The following RARB variants were observed in gnomAD, a reference collection of about 807,000 sequenced individuals.
RARB encodes retinoic acid receptor beta.
In RARB, 17 loss-of-function variants were observed where a neutral mutation model predicts 51.9. The observed-to-expected ratio is 0.33, with a 90% CI of 0.22 to 0.49. The LOEUF (loss-of-function observed/expected upper bound fraction) is 0.49. RARB is among the 20% of genes least tolerant of loss of function. RARB has a pLI of 0.99. For synonymous variants in RARB, 215 were observed against 195.4 expected, an observed-to-expected ratio of 1.10 and a Z score of -0.84; for missense variants, 369 against 550.8, an observed-to-expected ratio of 0.67 and a Z score of 3.30.
intron 5 of RARB, among the ~76,000 whole-genome samples, chr3:25,291,278 G>A (rs1703779241): frequency 6.6e-6 from 1 of 152,122 alleles, no homozygotes; most frequent in Non-Finnish European, 1.5e-5. Flanking sequence ...TTCAAGCATG[G>A]AACGCTGTGC....
At chr3:25,040,948 G>A (rs890702013) in intron 2 of RARB, among the ~76,000 whole-genome samples, 3 of 152,110 alleles carry the variant, frequency 2.0e-5, no homozygotes, top group Non-Finnish European at 2.9e-5. Context: ...ACTCTTTGAG[G>A]GCAAAAGTTT....
chr3:24,878,678 GTATGCCCATA>G (rs1703098112), intron 2 of RARB, among the ~76,000 whole-genome samples: 1 of 152,154 alleles, frequency 6.6e-6, no homozygotes, highest in African/African-American at 2.4e-5. Flanking sequence ...ATAACCAAAA[GTATGCCCATA>G]TATGCCAAAT....
intron 2 of RARB, among the ~76,000 whole-genome samples, chr3:24,871,647 G>A (rs1426120093): frequency 6.6e-6 from 1 of 152,026 alleles, no homozygotes. Flanking sequence ...CACCAGATTG[G>A]ATATCCAGCT....
intron 2 of RARB, among the ~76,000 whole-genome samples, chr3:24,966,110 TTG>T (rs554263110): frequency 0.18 from 6,360 of 35,052 alleles, 223 homozygotes; most frequent in African/African-American, 0.32. Flanking sequence ...TTTTTTTTTT[TTG>T]GTTATTTTAG....
intron 5 of RARB, among the ~76,000 whole-genome samples, chr3:25,253,822 T>C (rs1559333155): frequency 6.6e-6 from 1 of 152,152 alleles, no homozygotes; most frequent in Non-Finnish European, 1.5e-5. Flanking sequence ...CATCGAGCCC[T>C]AGTGGTCCCT....
chr3:25,534,075 A>G (rs1243510840), intron 3 of RARB, among the ~76,000 whole-genome samples: 2 of 152,250 alleles, frequency 1.3e-5, no homozygotes, highest in Admixed American at 6.5e-5. Context: ...ATTTGGCTCA[A>G]TGCAGCTCCA....
At chr3:25,305,607 C>T (rs958556470) in intron 5 of RARB, among the ~76,000 whole-genome samples, 10 of 152,110 alleles carry the variant, frequency 6.6e-5, no homozygotes, top group African/African-American at 2.4e-4. Flanking sequence ...GTAGAATCAC[C>T]CCTGCCCCAC....
chr3:25,194,322 G>A (rs1021414335), intron 5 of RARB, among the ~76,000 whole-genome samples: 16 of 151,802 alleles, frequency 1.1e-4, no homozygotes, highest in Non-Finnish European at 1.8e-4. Context: ...TACTGCAGGA[G>A]TATAGTTAAT....
At chr3:24,982,141 G>A (rs367874433) in intron 2 of RARB, among the ~76,000 whole-genome samples, 1 of 152,166 alleles carries the variant, frequency 6.6e-6, no homozygotes, top group Non-Finnish European at 1.5e-5. Context: ...ATCTGCAGCT[G>A]GTGGGACTTG....
At chr3:25,550,726 C>T (rs1446170609) in intron 3 of RARB, among the ~76,000 whole-genome samples, 2 of 152,104 alleles carry the variant, frequency 1.3e-5, no homozygotes, top group South Asian at 2.1e-4. Context: ...GCTATTTATC[C>T]CGATGTTCTC....
chr3:25,455,196 A>C (rs1694846476), intron 1 of RARB, among the ~76,000 whole-genome samples: 1 of 152,178 alleles, frequency 6.6e-6, no homozygotes, highest in Non-Finnish European at 1.5e-5. Flanking sequence ...TGACAGGGTA[A>C]TTTTATGTCC....
intron 3 of RARB, among the ~76,000 whole-genome samples, chr3:25,109,271 C>G (rs1343834659): frequency 6.6e-6 from 1 of 151,518 alleles, no homozygotes; most frequent in African/African-American, 2.4e-5. Context: ...TGTTAATTGA[C>G]TTAACCTTTG....
chr3:25,478,896 C>G (rs1029959309), intron 2 of RARB, among the ~76,000 whole-genome samples: 1 of 152,180 alleles, frequency 6.6e-6, no homozygotes, highest in Non-Finnish European at 1.5e-5. Flanking sequence ...GTAAGCTGCT[C>G]CAGTCCTTGC....
In RARB at chr3:24,999,790, C is replaced by G. The variant is rs538605839; in HGVS notation, c.-379-60335C>G. Among the ~76,000 whole-genome samples the G allele has an allele frequency of 1.2e-3, 188 of 152,284 alleles. 2 individuals are homozygous for G. Among genetic ancestry groups the G allele is most frequent in the African/African-American group, 4.4e-3 (182 of 41,574 alleles). ...CTCATGGTGGTATCCCACTCCCTCACTCTATATCTTGCCTCTGTGGTATAA... is the reference window on the plus strand; with the variant it reads ...CTCATGGTGGTATCCCACTCCCTCAGTCTATATCTTGCCTCTGTGGTATAA... On this transcript the variant is annotated intron_variant, in intron 2 of 11. Transcript: ENST00000383772.
At chr3:25,260,892 A>T (rs1702982872) in intron 5 of RARB, among the ~76,000 whole-genome samples, 2 of 152,168 alleles carry the variant, frequency 1.3e-5, no homozygotes, top group African/African-American at 4.8e-5. Context: ...AGAAAATTAA[A>T]TAAAATAGGA....
At chr3:25,215,685 G>A (rs1418601421) in intron 5 of RARB, among the ~76,000 whole-genome samples, 1 of 152,002 alleles carries the variant, frequency 6.6e-6, no homozygotes, top group Non-Finnish European at 1.5e-5. Context: ...AGCCTTTCCT[G>A]GTAGCTTGCC....
chr3:25,281,033 C>T (rs1407671080), intron 5 of RARB, among the ~76,000 whole-genome samples: 1 of 152,144 alleles, frequency 6.6e-6, no homozygotes, highest in African/African-American at 2.4e-5. Context: ...AAAGCCAGAG[C>T]CATTGTGCCT....
chr3:24,830,587 A>C (rs1326621471), intron 1 of RARB, among the ~76,000 whole-genome samples: 2 of 150,118 alleles, frequency 1.3e-5, no homozygotes, highest in Non-Finnish European at 3.0e-5. Context: ...GGCAGAGGCG[A>C]AGTGATGGTC....
At chr3:25,278,180 GGTGGTTGGCGGTACAT>G (rs1255444524) in intron 5 of RARB, among the ~76,000 whole-genome samples, 2 of 152,142 alleles carry the variant, frequency 1.3e-5, no homozygotes, top group African/African-American at 2.4e-5. Context: ...GGTGTGGTGT[GGTGGTTGGCGGTACAT>G]GTGTACATCT....
Sources: gnomAD v4.1 joint callset for allele counts (sites outside exome capture counted in the v4.1 genomes callset) on GRCh38, gnomAD v4.1.1 for gene constraint, MANE v1.5 for transcripts, NCBI Gene and HGNC (gene_info 2026-07-23, HGNC 2026-07-21) for gene names.